The following EVX2 variants were observed in gnomAD, a reference collection of about 807,000 sequenced individuals.
EVX2 encodes homeobox even-skipped homolog protein 2.
Under a neutral mutation model 19.2 loss-of-function variants are expected in EVX2, and 10 were observed. The ratio of observed to expected loss-of-function variants is 0.52; its 90% CI spans 0.32 to 0.89. The LOEUF is 0.89. Among genes scored for constraint, EVX2 ranks in the 40% least tolerant of loss-of-function variants. The pLI, the probability that EVX2 is intolerant of heterozygous loss-of-function variation, is 0.03. For missense variants in EVX2, 710 were observed against 694.9 expected, an observed-to-expected ratio of 1.02 and a Z score of -0.24; for synonymous variants, 354 against 328.4, an observed-to-expected ratio of 1.08 and a Z score of -0.84.
At position 176,081,114 on chromosome 2, in the gene EVX2, C is replaced by T. The variant is rs573867440; in HGVS notation, c.700-276G>A. Reference sequence around the variant, plus strand: ...TTTTATTCCCTTACTTCTTGCTGCACTTTTTTGTCCCAATCCAACCTTTCC... The same window carrying T: ...TTTTATTCCCTTACTTCTTGCTGCATTTTTTTGTCCCAATCCAACCTTTCC... On this transcript the variant is annotated intron_variant, in intron 2 of 2. Coordinates refer to ENST00000308618, the MANE Select transcript of EVX2 (RefSeq NM_001080458.2). The surrounding 1 kb of genome is among the most constrained non-coding windows in gnomAD (Gnocchi z 5.9). Among the ~76,000 whole-genome samples, 2 of 152,296 alleles carry T rather than the reference C, an allele frequency of 1.3e-5. No homozygotes were observed. The highest frequency in any genetic ancestry group is 2.9e-5 in the Non-Finnish European group (2 of 68,026).
In EVX2 at chr2:176,077,846, C is replaced by G. The variant is rs919739247; in HGVS notation, c.*2261G>C. 3 of 151,878 alleles carry G rather than the reference C, an allele frequency of 2.0e-5. No homozygotes were observed. The highest frequency in any genetic ancestry group is 2.0e-4 in the Admixed American group (3 of 15,246). 9.4% of individuals were successfully genotyped at this position (151,878 alleles called of 1,614,324 possible). Reference sequence around the variant, plus strand: ...CCATATTTTGGTTTATTTTATTTAGCCTTAAATTATATATTAATATTTTTA... The same window carrying G: ...CCATATTTTGGTTTATTTTATTTAGGCTTAAATTATATATTAATATTTTTA... On this transcript the variant is annotated 3_prime_UTR_variant, in exon 3 of 3. Coordinates refer to ENST00000308618, the MANE Select transcript of EVX2 (RefSeq NM_001080458.2).
rs1271470069 is a variant in EVX2, at chr2:176,078,160, TTAAAA to T, written c.*1942_*1946del. The T allele has an allele frequency of 6.6e-6, 1 of 152,154 alleles. No homozygotes were observed. Among genetic ancestry groups the T allele is most frequent in the Admixed American group, 6.5e-5 (1 of 15,274 alleles). 9.4% of individuals were successfully genotyped at this position (152,154 alleles called of 1,614,324 possible). On this transcript the variant is annotated 3_prime_UTR_variant, in exon 3 of 3. Transcript: ENST00000308618. ...AATGATATTTTAAAATCCAGTGTCTTTAAAATAACAATATGATGGCAGGACACAAA... is the reference window on the plus strand; with the variant it reads ...AATGATATTTTAAAATCCAGTGTCTTTAACAATATGATGGCAGGACACAAA...
Position 176,083,714 on chromosome 2 carries a change from C to T in EVX2, c.63G>A (p.Ala21=). The T allele has an allele frequency of 1.2e-6, 2 of 1,613,926 alleles. No homozygotes were observed. Among genetic ancestry groups the T allele is most frequent in the South Asian group, 1.1e-5 (1 of 91,086 alleles). The part of the protein sequence containing the change: ...LMERGLHSPT[A]GKRFSNLSNS... ...TGGACAAATTGGAGAATCTCTTGCCCGCCGTAGGGCTGTGCAGCCCTCTCT... is the reference window on the plus strand; with the variant it reads ...TGGACAAATTGGAGAATCTCTTGCCTGCCGTAGGGCTGTGCAGCCCTCTCT... Residue 21 remains alanine, a synonymous_variant, in exon 1 of 3, where the codon GCG becomes GCA. Coordinates refer to ENST00000308618, the MANE Select transcript of EVX2 (RefSeq NM_001080458.2). The surrounding 1 kb of genome is among the most constrained non-coding windows in gnomAD (Gnocchi z 4.4).
In EVX2 at chr2:176,083,143, C is replaced by T. The variant is rs1453940342; in HGVS notation, c.427+207G>A. ...GCGGGTGGGCCTGGTGTTCCAGGCT[C>T]CGCAGGCCTGAGCCTGGCGGGAAAG... On this transcript the variant is annotated intron_variant, in intron 1 of 2. Coordinates refer to ENST00000308618, the MANE Select transcript of EVX2 (RefSeq NM_001080458.2). The surrounding 1 kb of genome is among the most constrained non-coding windows in gnomAD (Gnocchi z 4.4). Among the ~76,000 whole-genome samples the T allele has an allele frequency of 1.3e-5, 2 of 152,102 alleles. No individual in the cohort carries two copies. The highest frequency in any genetic ancestry group is 2.4e-5 in the African/African-American group (1 of 41,368).
At position 176,081,277 on chromosome 2, in the gene EVX2, G is replaced by C. The variant is rs781241801; in HGVS notation, c.700-439C>G. 1.3e-4 allele frequency among the ~76,000 whole-genome samples: 20 copies of C among 152,168 alleles called. No individual in the cohort carries two copies. The highest frequency in any genetic ancestry group is 2.6e-4 in the Non-Finnish European group (18 of 68,014). ...CTGAGAGGTCGCCGCGCGAAGTCTT[G>C]AGCCCTCCGAACTGCAAGGACCTGC... On this transcript the variant is annotated intron_variant, in intron 2 of 2. Transcript: ENST00000308618. This position sits in a 1 kb window ranked among gnomAD's most constrained non-coding sequence, Gnocchi z 5.9.
chr2:176,080,012 G>T lies in EVX2; in HGVS notation c.*95C>A. On this transcript the variant is annotated 3_prime_UTR_variant, in exon 3 of 3. Coordinates refer to ENST00000308618, the MANE Select transcript of EVX2 (RefSeq NM_001080458.2). This position sits in a 1 kb window ranked among gnomAD's most constrained non-coding sequence, Gnocchi z 7.0. ...GGGGCGCCCCCTGGCGGCAGCGGCA[G>T]CAGCGGGCAACGCGCGGAGGGCTCA... 1 of 1,273,782 alleles carries T rather than the reference G, an allele frequency of 7.9e-7. No homozygotes were observed. Among genetic ancestry groups the T allele is most frequent in the African/African-American group, 1.5e-5 (1 of 65,128 alleles). 78.9% of individuals were successfully genotyped at this position (1,273,782 alleles called of 1,614,324 possible). A position where few individuals can be genotyped will look rare whatever the true frequency, so the allele number is the denominator to read the frequency against.
At position 176,080,448 on chromosome 2, in the gene EVX2, C is replaced by T. The variant is rs183677245; in HGVS notation, c.1090G>A (p.Ala364Thr). The T allele has an allele frequency of 2.6e-6, 3 of 1,166,262 alleles. No individual in the cohort carries two copies. Among genetic ancestry groups the T allele is most frequent in the Non-Finnish European group, 3.2e-6 (3 of 948,348 alleles). 72.2% of individuals were successfully genotyped at this position (1,166,262 alleles called of 1,614,324 possible). A position where few individuals can be genotyped will look rare whatever the true frequency, so the allele number is the denominator to read the frequency against. ...NSAASAAAAA[A>T]AAAAAASSAA... ...GAGGAGGCCGCAGCCGCTGCGGCTG[C>T]CGCGGCTGCCGCGGCAGAGGCCGCG... is the stretch of plus-strand genomic sequence containing the variant. Residue 364 changes from alanine to threonine, a missense_variant, in exon 3 of 3, where the codon GCA (alanine) becomes ACA (threonine). By Grantham distance (58) the Ala-to-Thr change is moderately conservative. Coordinates refer to ENST00000308618, the MANE Select transcript of EVX2 (RefSeq NM_001080458.2). This position sits in a 1 kb window ranked among gnomAD's most constrained non-coding sequence, Gnocchi z 7.0.
Position 176,082,853 on chromosome 2 carries a change from T to C in EVX2, c.428-404A>G, listed in dbSNP as rs1219999977. Among the ~76,000 whole-genome samples, 1 of 152,158 alleles carries C rather than the reference T, an allele frequency of 6.6e-6. No homozygotes were observed. Among genetic ancestry groups the C allele is most frequent in the Admixed American group, 6.5e-5 (1 of 15,284 alleles). Reference sequence around the variant, plus strand: ...TATTTTAAGAGTTCCAACACAGCAGTAGCTCAAACCCAAGCCAATAGGGGG... The same window carrying C: ...TATTTTAAGAGTTCCAACACAGCAGCAGCTCAAACCCAAGCCAATAGGGGG... On this transcript the variant is annotated intron_variant, in intron 1 of 2. Transcript: ENST00000308618. The surrounding 1 kb of genome is among the most constrained non-coding windows in gnomAD (Gnocchi z 5.2).
chr2:176,083,874 T>C lies in EVX2; in HGVS notation c.-98A>G. On this transcript the variant is annotated 5_prime_UTR_variant, in exon 1 of 3. Coordinates refer to ENST00000308618, the MANE Select transcript of EVX2 (RefSeq NM_001080458.2). The surrounding 1 kb of genome is among the most constrained non-coding windows in gnomAD (Gnocchi z 4.4). ...CTCATTCAGCCCCAGCGAACGCCTC[T>C]AAATATTATTATCGCTTTCGGAGGG... The C allele has an allele frequency of 9.2e-7, 1 of 1,082,362 alleles. No individual in the cohort carries two copies. Among genetic ancestry groups the C allele is most frequent in the Non-Finnish European group, 1.3e-6 (1 of 751,644 alleles). The allele number at this position is 1,082,362 out of a possible 1,614,324, so 67.0% of individuals were successfully genotyped here. A position where few individuals can be genotyped will look rare whatever the true frequency, so the allele number is the denominator to read the frequency against.
Position 176,079,833 on chromosome 2 carries a change from A to C in EVX2, c.*274T>G. Reference sequence around the variant, plus strand: ...ACCAAGCGCTCAGGACAGAGGTGGAAAGTGGGTCCCGGGAGCCAGAAAAGA... The same window carrying C: ...ACCAAGCGCTCAGGACAGAGGTGGACAGTGGGTCCCGGGAGCCAGAAAAGA... On this transcript the variant is annotated 3_prime_UTR_variant, in exon 3 of 3. Transcript: ENST00000308618. The surrounding 1 kb of genome is among the most constrained non-coding windows in gnomAD (Gnocchi z 4.4). 3.2e-6 allele frequency: 1 copy of C among 309,360 alleles called. No individual in the cohort carries two copies. The highest frequency in any genetic ancestry group is 6.0e-6 in the Non-Finnish European group (1 of 167,904). 19.2% of individuals were successfully genotyped at this position (309,360 alleles called of 1,614,324 possible).
In EVX2 at chr2:176,079,723, G is replaced by C. The variant is rs1157383911; in HGVS notation, c.*384C>G. The C allele has an allele frequency of 6.0e-6, 1 of 166,694 alleles. No homozygotes were observed. Among genetic ancestry groups the C allele is most frequent in the Non-Finnish European group, 1.3e-5 (1 of 77,974 alleles). The allele number at this position is 166,694 out of a possible 1,614,324, so 10.3% of individuals were successfully genotyped here. ...CTTTGTTGTGGTTCTCCGTTGCTTCGGGCCACGCCGTTCAGCCAAGCAACC... is the reference window on the plus strand; with the variant it reads ...CTTTGTTGTGGTTCTCCGTTGCTTCCGGCCACGCCGTTCAGCCAAGCAACC... On this transcript the variant is annotated 3_prime_UTR_variant, in exon 3 of 3. Transcript: ENST00000308618. This position sits in a 1 kb window ranked among gnomAD's most constrained non-coding sequence, Gnocchi z 4.4.
chr2:176,080,664 C>T lies in EVX2; in HGVS notation c.874G>A (p.Val292Ile). The change falls in exon 3 of 3, where the codon GTC becomes ATC. Residue 292 changes from valine to isoleucine, a missense_variant. By Grantham distance (29) the Val-to-Ile change is conservative. Coordinates refer to ENST00000308618, the MANE Select transcript of EVX2 (RefSeq NM_001080458.2). The surrounding 1 kb of genome is among the most constrained non-coding windows in gnomAD (Gnocchi z 7.0). Reference sequence around the variant, plus strand: ...GCAGCCGCGGCCGCCGCCGCCGTGACGCCCACGTGCGGGTAGTAGTGCAGC... The same window carrying T: ...GCAGCCGCGGCCGCCGCCGCCGTGATGCCCACGTGCGGGTAGTAGTGCAGC... ...VPLHYYPHVGVTAAAAAAAAS... is the reference protein window; with the variant it reads ...VPLHYYPHVGITAAAAAAAAS... 1 of 1,585,046 alleles carries T rather than the reference C, an allele frequency of 6.3e-7. No individual in the cohort carries two copies. The highest frequency in any genetic ancestry group is 8.5e-7 in the Non-Finnish European group (1 of 1,172,026).
rs1689093860 is a variant in EVX2, at chr2:176,079,149, C to G, written c.*958G>C. 1 of 152,138 alleles carries G rather than the reference C, an allele frequency of 6.6e-6. No individual in the cohort carries two copies. Among genetic ancestry groups the G allele is most frequent in the African/African-American group, 2.4e-5 (1 of 41,412 alleles). 9.4% of individuals were successfully genotyped at this position (152,138 alleles called of 1,614,324 possible). A position where few individuals can be genotyped will look rare whatever the true frequency, so the allele number is the denominator to read the frequency against. ...CTAGAGATTCAAGTATTTCCCAGAT[C>G]GAGTGGAACCCGGTAGTTGGAAAAC... is the stretch of plus-strand genomic sequence containing the variant. On this transcript the variant is annotated 3_prime_UTR_variant, in exon 3 of 3. Transcript: ENST00000308618. This position sits in a 1 kb window ranked among gnomAD's most constrained non-coding sequence, Gnocchi z 4.4.
rs905803762 is a variant in EVX2, at chr2:176,082,840, T to C, written c.428-391A>G. ...TCGGGGTTTCAAATATTTTAAGAGT[T>C]CCAACACAGCAGTAGCTCAAACCCA... On this transcript the variant is annotated intron_variant, in intron 1 of 2. Transcript: ENST00000308618. This position sits in a 1 kb window ranked among gnomAD's most constrained non-coding sequence, Gnocchi z 5.2. Among the ~76,000 whole-genome samples, 1 of 152,068 alleles carries C rather than the reference T, an allele frequency of 6.6e-6. No individual in the cohort carries two copies. The highest frequency in any genetic ancestry group is 2.4e-5 in the African/African-American group (1 of 41,408).
chr2:176,080,015 G>A lies in EVX2; in HGVS notation c.*92C>T. On this transcript the variant is annotated 3_prime_UTR_variant, in exon 3 of 3. Transcript: ENST00000308618. This position sits in a 1 kb window ranked among gnomAD's most constrained non-coding sequence, Gnocchi z 7.0. The stretch of plus-strand genomic sequence containing the variant: ...GCGCCCCCTGGCGGCAGCGGCAGCA[G>A]CGGGCAACGCGCGGAGGGCTCAGGG... The A allele has an allele frequency of 1.6e-6, 2 of 1,285,852 alleles. No homozygotes were observed. Among genetic ancestry groups the A allele is most frequent in the Non-Finnish European group, 2.0e-6 (2 of 1,007,196 alleles). The allele number at this position is 1,285,852 out of a possible 1,614,324, so 79.7% of individuals were successfully genotyped here. A position where few individuals can be genotyped will look rare whatever the true frequency, so the allele number is the denominator to read the frequency against.
rs550406600 is a variant in EVX2 at position 176,082,534 on chromosome 2, C to G, written c.428-85G>C. Reference sequence around the variant, plus strand: ...CGCTGCGCGCGGATCGGGGAAGCCCCGTCAGGAAGGAGAGTCGCTGCCGGA... The same window carrying G: ...CGCTGCGCGCGGATCGGGGAAGCCCGGTCAGGAAGGAGAGTCGCTGCCGGA... On this transcript the variant is annotated intron_variant, in intron 1 of 2. Transcript: ENST00000308618. The surrounding 1 kb of genome is among the most constrained non-coding windows in gnomAD (Gnocchi z 5.2). 143 of 1,453,638 alleles carry G rather than the reference C, an allele frequency of 9.8e-5. No homozygotes were observed. The highest frequency in any genetic ancestry group is 1.2e-4 in the Non-Finnish European group (129 of 1,100,162). The allele number at this position is 1,453,638 out of a possible 1,614,324, so 90.0% of individuals were successfully genotyped here. A position where few individuals can be genotyped will look rare whatever the true frequency, so the allele number is the denominator to read the frequency against.
At position 176,080,222 on chromosome 2, in the gene EVX2, C is replaced by A. The variant is rs1439150702; in HGVS notation, c.1316G>T (p.Cys439Phe). The stretch of plus-strand genomic sequence containing the variant: ...CTCGGAACGCGGCGCCGCCGCGCTG[C>A]AGCCGAAGTCCGAGCCTCCCCCGGC... ...AGAGGGSDFGCSAAAPRSESG... is the reference protein window; with the variant it reads ...AGAGGGSDFGFSAAAPRSESG... The change falls in exon 3 of 3, where the codon TGC becomes TTC. Residue 439 changes from cysteine to phenylalanine, a missense_variant. By Grantham distance (205) the Cys-to-Phe change is radical. Transcript: ENST00000308618. The surrounding 1 kb of genome is among the most constrained non-coding windows in gnomAD (Gnocchi z 7.0). The A allele has an allele frequency of 2.8e-5, 40 of 1,438,906 alleles. No homozygotes were observed. The highest frequency in any genetic ancestry group is 3.7e-5 in the Non-Finnish European group (40 of 1,093,452). The allele number at this position is 1,438,906 out of a possible 1,614,324, so 89.1% of individuals were successfully genotyped here. A position where few individuals can be genotyped will look rare whatever the true frequency, so the allele number is the denominator to read the frequency against.
chr2:176,080,080 C>A lies in EVX2; in HGVS notation c.*27G>T, dbSNP rs1038735155. The A allele has an allele frequency of 2.0e-6, 3 of 1,474,220 alleles. No homozygotes were observed. Among genetic ancestry groups the A allele is most frequent in the Non-Finnish European group, 2.7e-6 (3 of 1,113,512 alleles). The allele number at this position is 1,474,220 out of a possible 1,614,324, so 91.3% of individuals were successfully genotyped here. A position where few individuals can be genotyped will look rare whatever the true frequency, so the allele number is the denominator to read the frequency against. On this transcript the variant is annotated 3_prime_UTR_variant, in exon 3 of 3. Transcript: ENST00000308618. This position sits in a 1 kb window ranked among gnomAD's most constrained non-coding sequence, Gnocchi z 7.0. ...TCCCGGGCACACTCAGAGAGGCGGG[C>A]GCGGCCCCCTGGCGGTGGCGACGTA...
chr2:176,082,141 C>G lies in EVX2; in HGVS notation c.699+37G>C. The G allele has an allele frequency of 1.3e-6, 2 of 1,509,534 alleles. No individual in the cohort carries two copies. Among genetic ancestry groups the G allele is most frequent in the Non-Finnish European group, 1.8e-6 (2 of 1,131,044 alleles). The allele number at this position is 1,509,534 out of a possible 1,614,324, so 93.5% of individuals were successfully genotyped here. Reference sequence around the variant, plus strand: ...AAGAAACAATCAACCCAGATGCCCCCGGGGAGGCCAGAGCAGGCATGCACT... The same window carrying G: ...AAGAAACAATCAACCCAGATGCCCCGGGGGAGGCCAGAGCAGGCATGCACT... On this transcript the variant is annotated intron_variant, in intron 2 of 2. Transcript: ENST00000308618. This position sits in a 1 kb window ranked among gnomAD's most constrained non-coding sequence, Gnocchi z 5.2.
Sources: gnomAD v4.1 joint callset for allele counts (sites outside exome capture counted in the v4.1 genomes callset) on GRCh38, gnomAD v4.1.1 for gene constraint, Gnocchi (gnomAD v3.1) non-coding constraint, MANE v1.5 for transcripts, NCBI Gene and HGNC (gene_info 2026-07-23, HGNC 2026-07-21) for gene names.